HVCN1: variants seen among roughly 807,000 people sequenced by gnomAD.
HVCN1 encodes hydrogen voltage gated channel 1.
Under a neutral mutation model 29.2 loss-of-function variants are expected in HVCN1, and 14 were observed. The ratio of observed to expected loss-of-function variants is 0.48; its 90% CI spans 0.32 to 0.75. HVCN1 has a LOEUF of 0.75. Among genes scored for constraint, HVCN1 ranks in the 30% least tolerant of loss-of-function variants. The probability of loss-of-function intolerance (pLI) is 0.04; values close to 1 mark genes in which losing one functional copy is unlikely to be tolerated. For missense variants in HVCN1, 263 were observed against 341.8 expected (o/e 0.77, Z 1.82); for synonymous variants, 131 against 133.2 (o/e 0.98, Z 0.11).
intron 3 of HVCN1, among the ~76,000 whole-genome samples, chr12:110,677,911 T>C (rs1396003997): frequency 6.6e-6 from 1 of 152,132 alleles, no homozygotes; most frequent in Non-Finnish European, 1.5e-5. Context: ...CCCTCCTGCC[T>C]GATAGATGAG....
intron 2 of HVCN1, among the ~76,000 whole-genome samples, chr12:110,687,094 A>G (rs114928672): frequency 0.033 from 5,054 of 152,216 alleles, 279 homozygotes; most frequent in African/African-American, 0.11. Context: ...ATTGCCTGCA[A>G]CTGTACAAAA....
At chr12:110,701,218 G>T (rs1452082245) in intron 2 of HVCN1, among the ~76,000 whole-genome samples, 1 of 152,202 alleles carries the variant, frequency 6.6e-6, no homozygotes, top group African/African-American at 2.4e-5. Context: ...CCTGAAGAGC[G>T]CTGACTAATG....
intron 5 of HVCN1, among the ~76,000 whole-genome samples, chr12:110,653,686 A>T (rs185251099): frequency 6.7e-4 from 101 of 150,888 alleles, no homozygotes; most frequent in Middle Eastern, 7.0e-3. Flanking sequence ...TACTAAAAAT[A>T]AAAAAATTAG....
upstream of HVCN1, among the ~76,000 whole-genome samples, chr12:110,693,518 T>C (rs1348704998): frequency 6.6e-6 from 1 of 151,106 alleles, no homozygotes; most frequent in East Asian, 1.9e-4. Context: ...CACTCCAGCC[T>C]GGGCAACAAG....
Position 110,676,680 on chromosome 12 carries a change from A to G in HVCN1, c.21+6545T>C, listed in dbSNP as rs1350301545. Reference sequence around the variant, plus strand: ...TTGTCACAACTCCCTGCTGGAGGAAATAAGTGTGACCCCAAGGACCTCTGC... The same window carrying G: ...TTGTCACAACTCCCTGCTGGAGGAAGTAAGTGTGACCCCAAGGACCTCTGC... On this transcript the variant is annotated intron_variant, in intron 3 of 7. Transcript: ENST00000242607. The surrounding 1 kb of genome is among the most constrained non-coding windows in gnomAD (Gnocchi z 4.1). Among the ~76,000 whole-genome samples, 1 of 152,146 alleles carries G rather than the reference A, an allele frequency of 6.6e-6. No homozygotes were observed. Among genetic ancestry groups the G allele is most frequent in the Non-Finnish European group, 1.5e-5 (1 of 68,024 alleles).
Position 110,649,081 on chromosome 12 carries a change from A to G in HVCN1, c.*329T>C, listed in dbSNP as rs146639508. The stretch of plus-strand genomic sequence containing the variant: ...ATCAGTTCCTTAATATACACGTGAA[A>G]TTTGAAAACTGTACATTCGGTGAGA... On this transcript the variant is annotated 3_prime_UTR_variant, in exon 8 of 8. Coordinates refer to ENST00000242607, the MANE Select transcript of HVCN1 (RefSeq NM_032369.4). 7 of 591,570 alleles carry G rather than the reference A, an allele frequency of 1.2e-5. No homozygotes were observed. In the East Asian group the frequency reaches 2.7e-4, roughly 22 times the overall value. 36.6% of individuals were successfully genotyped at this position (591,570 alleles called of 1,614,324 possible).
At chr12:110,696,557 A>T (rs2069495241) in intron 2 of HVCN1, among the ~76,000 whole-genome samples, 2 of 152,042 alleles carry the variant, frequency 1.3e-5, no homozygotes, top group South Asian at 4.1e-4. Context: ...TCTAAGAAAA[A>T]AAAAAAGGAA....
chr12:110,651,769 T>C (rs1334208061), intron 5 of HVCN1, among the ~76,000 whole-genome samples: 1 of 152,254 alleles, frequency 6.6e-6, no homozygotes, highest in Non-Finnish European at 1.5e-5. Context: ...ACAAATACTT[T>C]CTGCATTGTA....
At chr12:110,693,809 G>A (rs767755824), upstream of HVCN1, among the ~76,000 whole-genome samples, 7 of 152,188 alleles carry the variant, frequency 4.6e-5, no homozygotes, top group Middle Eastern at 6.8e-3. Flanking sequence ...CGATGCATTC[G>A]TTCTGTTTTA....
chr12:110,651,076 G>A, intron 6 of HVCN1, 141 bp downstream of exon 6: 1 of 630,006 alleles, frequency 1.6e-6, no homozygotes, highest in South Asian at 1.9e-5. Flanking sequence ...GGGAGGAGAG[G>A]GAGGTGAGGG....
intron 6 of HVCN1, 62 bp downstream of exon 6, chr12:110,651,155 G>T (rs1325466003): frequency 7.9e-7 from 1 of 1,262,628 alleles, no homozygotes; most frequent in Non-Finnish European, 1.2e-6. Context: ...GCGCAGTCAG[G>T]CCTTGGATGT....
At chr12:110,667,638 C>T (rs1455246124) in intron 3 of HVCN1, among the ~76,000 whole-genome samples, 1 of 151,466 alleles carries the variant, frequency 6.6e-6, no homozygotes, top group Non-Finnish European at 1.5e-5. Context: ...TGCTATGTTG[C>T]CCAGGCTGGT....
intron 3 of HVCN1, among the ~76,000 whole-genome samples, chr12:110,662,823 A>G (rs1335867603): frequency 5.3e-5 from 8 of 152,212 alleles, no homozygotes; most frequent in Admixed American, 4.6e-4. Context: ...GTTAAAAGAT[A>G]TACTACAGAC....
chr12:110,665,794 G>A (rs1181386569), intron 3 of HVCN1, among the ~76,000 whole-genome samples: 1 of 151,848 alleles, frequency 6.6e-6, no homozygotes, highest in Non-Finnish European at 1.5e-5. Context: ...ATCACCTGAG[G>A]TCAGGAGTTC....
intron 4 of HVCN1, among the ~76,000 whole-genome samples, chr12:110,656,320 G>A (rs2067988971): frequency 6.6e-6 from 1 of 152,176 alleles, no homozygotes; most frequent in Admixed American, 6.5e-5. Context: ...TGGGCTTTGT[G>A]ATGGGCTGAC....
rs540718560 is a variant in HVCN1 at position 110,669,439 on chromosome 12, C to A, written c.22-7991G>T. ...TCGAGTCCCAGCTCTCTTGGCTTCC[C>A]CAGGCCCTGGTCTCCCTGCCAGCCT... is the stretch of plus-strand genomic sequence containing the variant. On this transcript the variant is annotated intron_variant, in intron 3 of 7. Transcript: ENST00000242607. Among the ~76,000 whole-genome samples the A allele has an allele frequency of 2.0e-5, 3 of 152,286 alleles. No individual in the cohort carries two copies. In the East Asian group the frequency reaches 5.8e-4, roughly 29 times the overall value.
At chr12:110,667,783 T>C (rs2068423865) in intron 3 of HVCN1, among the ~76,000 whole-genome samples, 2 of 152,218 alleles carry the variant, frequency 1.3e-5, no homozygotes, top group Non-Finnish European at 2.9e-5. Flanking sequence ...GCCTGTCCTA[T>C]TTCTCAGTAG....
chr12:110,698,799 A>ATTG (rs1311844520), intron 2 of HVCN1, among the ~76,000 whole-genome samples: 18 of 152,122 alleles, frequency 1.2e-4, no homozygotes, highest in African/African-American at 4.1e-4. Flanking sequence ...CTGTTTACTC[A>ATTG]TTGTTGGGTC....
chr12:110,650,098 G>T, intron 7 of HVCN1, 70 bp downstream of exon 7: 1 of 1,024,510 alleles, frequency 9.8e-7, no homozygotes, highest in Non-Finnish European at 1.5e-6. Flanking sequence ...ACCTGCCTTG[G>T]CCTCCCAAAG....
Sources: gnomAD v4.1 joint callset for allele counts (sites outside exome capture counted in the v4.1 genomes callset) on GRCh38, gnomAD v4.1.1 for gene constraint, Gnocchi (gnomAD v3.1) non-coding constraint, MANE v1.5 for transcripts, NCBI Gene and HGNC (gene_info 2026-07-23, HGNC 2026-07-21) for gene names.